The following RFX8 variants were observed in gnomAD, a reference collection of about 807,000 sequenced individuals.
RFX8 encodes DNA-binding protein RFX8.
A neutral mutation model predicts 54.6 loss-of-function variants in RFX8; 46 were observed. The observed-to-expected ratio is 0.84, with a 90% CI of 0.67 to 1.08. The LOEUF (loss-of-function observed/expected upper bound fraction) is 1.08. RFX8 is among the 50% of genes least tolerant of loss of function. The pLI is 0.00. For missense variants in RFX8, 536 were observed against 562.3 expected (o/e 0.95, Z 0.47); for synonymous variants, 192 against 209.5 (o/e 0.92, Z 0.72).
chr2:101,443,434 G>T (rs138565926), intron 2 of RFX8, among the ~76,000 whole-genome samples: 14 of 152,142 alleles, frequency 9.2e-5, no homozygotes, highest in Admixed American at 9.2e-4. Flanking sequence ...AGTAATATTG[G>T]TTCCTAATGT....
At chr2:101,462,664 TATTATTAATATTAC>T (rs1689344426) in intron 2 of RFX8, among the ~76,000 whole-genome samples, 2 of 75,462 alleles carry the variant, frequency 2.7e-5, no homozygotes, top group Non-Finnish European at 6.6e-5. Context: ...AAATAGGTAC[TATTATTAATATTAC>T]TATTATTAAT....
At chr2:101,455,497 G>C (rs535799751) in intron 2 of RFX8, among the ~76,000 whole-genome samples, 8 of 152,266 alleles carry the variant, frequency 5.3e-5, no homozygotes, top group African/African-American at 1.7e-4. Flanking sequence ...GCTTGTTTTT[G>C]TCAGGTTTGT....
chr2:101,420,812 T>G (rs879732747), intron 4 of RFX8, among the ~76,000 whole-genome samples: 2 of 152,214 alleles, frequency 1.3e-5, no homozygotes, highest in Non-Finnish European at 2.9e-5. Flanking sequence ...AGTCTAATCA[T>G]GCAGCTATTC....
At position 101,421,789 on chromosome 2, in the gene RFX8, A is replaced by G; in HGVS notation, c.184-12T>C. 6.5e-7 allele frequency: 1 copy of G among 1,542,168 alleles called. No individual in the cohort carries two copies. The highest frequency in any genetic ancestry group is 8.8e-7 in the Non-Finnish European group (1 of 1,139,930). On this transcript the variant is annotated splice_polypyrimidine_tract_variant and intron_variant, in intron 3 of 11. Coordinates refer to ENST00000428343, the MANE Select transcript of RFX8 (RefSeq NM_001145664.2). ...GCAAGGAAGGCCATCTAGGAAGAAT[A>G]TGGAAAATTATTTCAGCATGTGGGC...
chr2:101,448,383 C>T (rs928379066), intron 2 of RFX8, among the ~76,000 whole-genome samples: 7 of 152,114 alleles, frequency 4.6e-5, no homozygotes, highest in Non-Finnish European at 1.0e-4. Context: ...GAAGCCCATG[C>T]CTTCATGTAC....
intron 7 of RFX8, 128 bp from the exon 8 acceptor site, chr2:101,413,199 A>G: frequency 2.8e-6 from 2 of 712,208 alleles, no homozygotes; most frequent in South Asian, 3.4e-5. Flanking sequence ...ATTACCCATT[A>G]AAAATGAATC....
intron 2 of RFX8, among the ~76,000 whole-genome samples, chr2:101,465,803 A>G (rs1056425340): frequency 1.3e-5 from 2 of 152,188 alleles, no homozygotes; most frequent in Non-Finnish European, 2.9e-5. Context: ...AACAGTAGCC[A>G]AAAAAAGGTA....
intron 2 of RFX8, among the ~76,000 whole-genome samples, chr2:101,431,006 C>T (rs943873530): frequency 1.3e-5 from 2 of 152,154 alleles, no homozygotes; most frequent in African/African-American, 4.8e-5. Context: ...GGCAATTTCT[C>T]CCCAATTCCA....
chr2:101,460,688 C>T (rs1224984607), intron 2 of RFX8, among the ~76,000 whole-genome samples: 3 of 151,516 alleles, frequency 2.0e-5, no homozygotes, highest in African/African-American at 7.3e-5. Context: ...ACACCCTGTC[C>T]GTAATCATTC....
chr2:101,437,914 T>C (rs1319710635), intron 2 of RFX8, among the ~76,000 whole-genome samples: 1 of 152,190 alleles, frequency 6.6e-6, no homozygotes, highest in Non-Finnish European at 1.5e-5. Context: ...CCCCCATCCC[T>C]ACGTCATTTC....
intron 2 of RFX8, among the ~76,000 whole-genome samples, chr2:101,427,912 T>A (rs997758409): frequency 5.4e-4 from 82 of 152,296 alleles, no homozygotes; most frequent in African/African-American, 1.9e-3. Flanking sequence ...TAAAAGGTTA[T>A]CTGTTCAATG....
Position 101,469,082 on chromosome 2 carries a change from G to GAA in RFX8, c.-52-2183_-52-2182insTT, listed in dbSNP as rs1689799681. Among the ~76,000 whole-genome samples the GAA allele has an allele frequency of 4.1e-5, 2 of 49,288 alleles. 1 individual carries two copies. Among genetic ancestry groups the GAA allele is most frequent in the Non-Finnish European group, 7.2e-5 (2 of 27,636 alleles). 32.3% of individuals were successfully genotyped at this position (49,288 alleles called of 152,430 possible). A position where few individuals can be genotyped will look rare whatever the true frequency, so the allele number is the denominator to read the frequency against. Reference sequence around the variant, plus strand: ...TATATATATGTATATATATATAAGTGTATATATATAAGTATATATATATAA... The same window carrying GAA: ...TATATATATGTATATATATATAAGTGAATATATATATAAGTATATATATATAA... On this transcript the variant is annotated intron_variant, in intron 1 of 11. Coordinates refer to ENST00000428343, the MANE Select transcript of RFX8 (RefSeq NM_001145664.2).
Position 101,402,682 on chromosome 2 carries a change from C to G in RFX8, c.999G>C (p.Glu333Asp). ...MIHILQSCLE[E>D]EEEEEDMGTV... is the part of the protein sequence containing the mutation. Reference sequence around the variant, plus strand: ...TCCCCATGTCCTCCTCCTCCTCTTCCTCCTCTAGGCATGACTGAAGTATAT... The same window carrying G: ...TCCCCATGTCCTCCTCCTCCTCTTCGTCCTCTAGGCATGACTGAAGTATAT... The change falls in exon 11 of 12, where the codon GAG (glutamate) becomes GAC (aspartate). Residue 333 changes from glutamate to aspartate, a missense_variant. By Grantham distance (45) the Glu-to-Asp change is conservative (BLOSUM62 2). Coordinates refer to ENST00000428343, the MANE Select transcript of RFX8 (RefSeq NM_001145664.2). The G allele has an allele frequency of 6.4e-7, 1 of 1,555,156 alleles. No individual in the cohort carries two copies. The highest frequency in any genetic ancestry group is 1.2e-5 in the South Asian group (1 of 84,202).
intron 6 of RFX8, among the ~76,000 whole-genome samples, chr2:101,415,473 T>C (rs2104562153): frequency 6.6e-6 from 1 of 152,286 alleles, no homozygotes; most frequent in Admixed American, 6.5e-5. Context: ...TTGGTGGCAT[T>C]TTACTACAGC....
chr2:101,434,325 G>C (rs1687652621), intron 2 of RFX8, among the ~76,000 whole-genome samples: 1 of 152,208 alleles, frequency 6.6e-6, no homozygotes, highest in Admixed American at 6.5e-5. Context: ...CTGGTCTTCT[G>C]TGTGTTGTGG....
intron 2 of RFX8, among the ~76,000 whole-genome samples, chr2:101,439,596 C>CTTT (rs139433618): frequency 0.037 from 5,357 of 143,568 alleles, 199 homozygotes; most frequent in African/African-American, 0.074. Flanking sequence ...GATTGAAGTT[C>CTTT]ATTTTTTTTT....
At chr2:101,457,011 C>T (rs1689008447) in intron 2 of RFX8, among the ~76,000 whole-genome samples, 1 of 152,174 alleles carries the variant, frequency 6.6e-6, no homozygotes, top group South Asian at 2.1e-4. Flanking sequence ...TTATACTATT[C>T]TCTGACGGTA....
intron 1 of RFX8, chr2:101,474,337 G>T: frequency 4.5e-6 from 2 of 442,670 alleles, no homozygotes; most frequent in Non-Finnish European, 7.9e-6. Context: ...GGCGGCGCTG[G>T]GTTGCACCGG....
chr2:101,441,312 T>G (rs1047836934), intron 2 of RFX8, among the ~76,000 whole-genome samples: 1 of 152,030 alleles, frequency 6.6e-6, no homozygotes, highest in African/African-American at 2.4e-5. Flanking sequence ...TATTGAGAGG[T>G]GAGGCCTTTA....
Sources: gnomAD v4.1 joint callset for allele counts (sites outside exome capture counted in the v4.1 genomes callset) on GRCh38, gnomAD v4.1.1 for gene constraint, MANE v1.5 for transcripts, NCBI Gene and HGNC (gene_info 2026-07-23, HGNC 2026-07-21) for gene names.